ARHGAP10: variants seen among roughly 807,000 people sequenced by gnomAD.
ARHGAP10 encodes the protein Rho GTPase activating protein 10.
ARHGAP10 carries 87 observed loss-of-function variants against 108.6 expected under a neutral mutation model. The ratio of observed to expected loss-of-function variants is 0.80; its 90% CI spans 0.67 to 0.96. ARHGAP10 has a LOEUF of 0.96. Ranked by LOEUF, ARHGAP10 falls within the 40% of genes least tolerant of loss-of-function variation. The pLI is 0.00. For missense variants in ARHGAP10, 939 were observed against 954.5 expected, an observed-to-expected ratio of 0.98 and a Z score of 0.21; for synonymous variants, 347 against 341.1, an observed-to-expected ratio of 1.02 and a Z score of -0.19.
chr4:147,798,781 C>CTCTATA (rs1731452503), intron 1 of ARHGAP10, among the ~76,000 whole-genome samples: 1 of 7,236 alleles, frequency 1.4e-4, no homozygotes, highest in Non-Finnish European at 5.9e-4. Context: ...CTCTCTCTCT[C>CTCTATA]TATATATATA....
At chr4:147,852,602 A>G (rs1452424621) in intron 4 of ARHGAP10, among the ~76,000 whole-genome samples, 2 of 151,978 alleles carry the variant, frequency 1.3e-5, no homozygotes, top group Admixed American at 1.3e-4. Context: ...TTGGAAACTG[A>G]ATTGAAGCAA....
intron 18 of ARHGAP10, among the ~76,000 whole-genome samples, chr4:148,020,391 C>T (rs1008765812): frequency 6.6e-6 from 1 of 152,062 alleles, no homozygotes; most frequent in Non-Finnish European, 1.5e-5. Context: ...CGTATCAACC[C>T]ATCACCTAGG....
intron 1 of ARHGAP10, among the ~76,000 whole-genome samples, chr4:147,794,798 C>T (rs1236359326): frequency 6.6e-6 from 1 of 152,072 alleles, no homozygotes; most frequent in East Asian, 1.9e-4. Flanking sequence ...TGTTACAGTA[C>T]CATTTAGTGT....
Position 147,913,137 on chromosome 4 carries a change from G to A in ARHGAP10, c.1226G>A (p.Arg409Gln), listed in dbSNP as rs780256444. The change falls in exon 13 of 23, where the codon CGA (arginine) becomes CAA (glutamine). Residue 409 changes from arginine (R) to glutamine (Q), a missense_variant and splice_region_variant. By Grantham distance (43) the Arg-to-Gln change is conservative. Coordinates refer to ENST00000336498, the MANE Select transcript of ARHGAP10 (RefSeq NM_024605.4). ...IRKCISAVET[R>Q]GINDQGLYRV... Reference sequence around the variant, plus strand: ...AAATGCATCAGTGCCGTTGAAACACGAGGTAATATGATTGAATCATTTCAT... The same window carrying A: ...AAATGCATCAGTGCCGTTGAAACACAAGGTAATATGATTGAATCATTTCAT... 1.4e-5 allele frequency: 23 copies of A among 1,612,798 alleles called. No individual in the cohort carries two copies. The highest frequency in any genetic ancestry group is 1.1e-5 in the South Asian group (1 of 91,050).
intron 1 of ARHGAP10, among the ~76,000 whole-genome samples, chr4:147,811,291 G>T (rs1032083736): frequency 2.0e-5 from 3 of 152,206 alleles, no homozygotes; most frequent in African/African-American, 7.2e-5. Context: ...TTGGAATACT[G>T]GCCATTCTTT....
chr4:147,825,173 C>T (rs1317340316), intron 3 of ARHGAP10, among the ~76,000 whole-genome samples: 1 of 37,418 alleles, frequency 2.7e-5, no homozygotes, highest in African/African-American at 1.1e-4. Flanking sequence ...GAGGGCTGGG[C>T]GCAGTGGCTG....
intron 13 of ARHGAP10, among the ~76,000 whole-genome samples, chr4:147,937,180 T>A (rs1324796089): frequency 6.6e-6 from 1 of 152,114 alleles, no homozygotes; most frequent in Non-Finnish European, 1.5e-5. Context: ...TTTCTCACAA[T>A]TCTGGGGGCT....
At chr4:147,912,114 T>C (rs1736768801) in intron 12 of ARHGAP10, among the ~76,000 whole-genome samples, 1 of 151,888 alleles carries the variant, frequency 6.6e-6, no homozygotes, top group Non-Finnish European at 1.5e-5. Flanking sequence ...ATAGCTTCCC[T>C]TAGAGATTTG....
intron 19 of ARHGAP10, among the ~76,000 whole-genome samples, chr4:148,037,833 C>CA (rs58928158): frequency 0.04 from 4,381 of 109,738 alleles, 67 homozygotes; most frequent in Middle Eastern, 0.084. Context: ...GACTCCGTCT[C>CA]AAAAAAAAAA....
intron 1 of ARHGAP10, among the ~76,000 whole-genome samples, chr4:147,794,551 T>C (rs757288445): frequency 1.3e-5 from 2 of 152,208 alleles, no homozygotes; most frequent in Non-Finnish European, 2.9e-5. Context: ...GTGTCAGGGC[T>C]TCAAAGCCCC....
At chr4:147,746,136 ACT>A (rs1728907357) in intron 1 of ARHGAP10, among the ~76,000 whole-genome samples, 1 of 147,124 alleles carries the variant, frequency 6.8e-6, no homozygotes, top group African/African-American at 2.5e-5. Context: ...ACAGAGTCTC[ACT>A]CTGTCGCCAG....
intron 3 of ARHGAP10, among the ~76,000 whole-genome samples, chr4:147,841,188 C>A (rs967130829): frequency 6.6e-6 from 1 of 152,224 alleles, no homozygotes. Context: ...GAGGAGAGAG[C>A]ATCTGATTAT....
intron 18 of ARHGAP10, among the ~76,000 whole-genome samples, chr4:148,022,512 G>A (rs1253754827): frequency 6.6e-6 from 1 of 152,206 alleles, no homozygotes; most frequent in Non-Finnish European, 1.5e-5. Flanking sequence ...GCTATGGAGG[G>A]TCTATTATCA....
At chr4:147,996,282 C>A (rs17024251) in intron 18 of ARHGAP10, among the ~76,000 whole-genome samples, 1 of 151,914 alleles carries the variant, frequency 6.6e-6, no homozygotes, top group African/African-American at 2.4e-5. Context: ...GAAAGGCAGT[C>A]GAAAACAAAA....
At chr4:147,984,730 TC>T (rs1739962493) in intron 18 of ARHGAP10, among the ~76,000 whole-genome samples, 1 of 152,230 alleles carries the variant, frequency 6.6e-6, no homozygotes, top group African/African-American at 2.4e-5. Flanking sequence ...GTTGTGCCAT[TC>T]AACGTCCAGG....
chr4:147,976,544 T>G (rs1739604113), intron 18 of ARHGAP10, among the ~76,000 whole-genome samples: 1 of 147,302 alleles, frequency 6.8e-6, no homozygotes, highest in Admixed American at 6.6e-5. Flanking sequence ...GTGTGTGGTT[T>G]TTTTTTTTTT....
In ARHGAP10 at chr4:147,744,510, C is replaced by T. The variant is rs144440676; in HGVS notation, c.154+12055C>T. On this transcript the variant is annotated intron_variant, in intron 1 of 22. Transcript: ENST00000336498. The stretch of plus-strand genomic sequence containing the variant: ...GTTGAATTGTTGTAGAAAGCTTTCT[C>T]GGAGTGCAGTTGTGCAAATGAATCG... Among the ~76,000 whole-genome samples the T allele has an allele frequency of 8.6e-5, 13 of 152,040 alleles. No homozygotes were observed. In the East Asian group the frequency reaches 2.1e-3, roughly 25 times the overall value.
At chr4:147,995,863 C>T (rs1740454201) in intron 18 of ARHGAP10, among the ~76,000 whole-genome samples, 1 of 152,040 alleles carries the variant, frequency 6.6e-6, no homozygotes, top group African/African-American at 2.4e-5. Flanking sequence ...ACTACAGGCA[C>T]CCGCCACTAC....
chr4:147,936,804 T>G (rs1368305408), intron 13 of ARHGAP10, among the ~76,000 whole-genome samples: 1 of 152,206 alleles, frequency 6.6e-6, no homozygotes, highest in East Asian at 1.9e-4. Context: ...GCTGCCATAA[T>G]AAAGTATCAC....
Sources: allele counts gnomAD v4.1 joint callset (sites outside exome capture counted in the v4.1 genomes callset), GRCh38; gene constraint gnomAD v4.1.1; transcripts MANE v1.5; gene names NCBI Gene and HGNC (gene_info 2026-07-23, HGNC 2026-07-21).